PCDHA5: variants seen among roughly 807,000 people sequenced by gnomAD.
The protein encoded by PCDHA5 is protocadherin alpha-5.
In PCDHA5, 43 loss-of-function variants were observed where a neutral mutation model predicts 61.6. That is an observed-to-expected ratio of 0.70 (90% confidence interval 0.55 to 0.90). PCDHA5 has a LOEUF of 0.90. PCDHA5 is among the 40% of genes least tolerant of loss of function. PCDHA5 has a pLI of 0.00. For synonymous variants in PCDHA5, 627 were observed against 543.9 expected (o/e 1.15, Z -2.13); for missense variants, 1,298 against 1,222.7 (o/e 1.06, Z -0.92).
At position 140,924,716 on chromosome 5, in the gene PCDHA5, G is replaced by A. The variant is rs534222527; in HGVS notation, c.2353-54233G>A. On this transcript the variant is annotated intron_variant, in intron 1 of 3. Coordinates refer to ENST00000529859, the MANE Select transcript of PCDHA5 (RefSeq NM_018908.3). The stretch of plus-strand genomic sequence containing the variant: ...TCGAGACCAGCTTGTGCAACATGGC[G>A]AAACCTCACCTCTAATAAAAATACA... Among the ~76,000 whole-genome samples, 5 of 151,980 alleles carry A rather than the reference G, an allele frequency of 3.3e-5. No homozygotes were observed. The South Asian group carries it at 1.0e-3, about 32-fold the overall frequency.
intron 1 of PCDHA5, among the ~76,000 whole-genome samples, chr5:140,963,165 A>G (rs775997183): frequency 2.6e-5 from 4 of 152,110 alleles, no homozygotes; most frequent in Non-Finnish European, 5.9e-5. Flanking sequence ...GACACATGCC[A>G]TCTTACAGAT....
chr5:140,947,625 T>C (rs2094153389), intron 1 of PCDHA5, among the ~76,000 whole-genome samples: 1 of 151,648 alleles, frequency 6.6e-6, no homozygotes, highest in Non-Finnish European at 1.5e-5. Context: ...CAATATTGAG[T>C]CATCAGATCG....
chr5:140,940,988 T>G (rs2092713422), intron 1 of PCDHA5, among the ~76,000 whole-genome samples: 1 of 152,206 alleles, frequency 6.6e-6, no homozygotes, highest in African/African-American at 2.4e-5. Flanking sequence ...AGTTACAAGT[T>G]TATAGGATTA....
At chr5:140,944,028 A>T (rs1341498532) in intron 1 of PCDHA5, among the ~76,000 whole-genome samples, 1 of 152,222 alleles carries the variant, frequency 6.6e-6, no homozygotes, top group African/African-American at 2.4e-5. Context: ...TATCTTCAAA[A>T]TATGGAAAAC....
chr5:140,882,392 G>T (rs781850899), intron 1 of PCDHA5: 5 of 1,614,058 alleles, frequency 3.1e-6, no homozygotes, highest in Middle Eastern at 1.6e-4. Flanking sequence ...AGCAAAACAC[G>T]GCACCTTCGT....
intron 1 of PCDHA5, chr5:140,966,951 C>T (rs781885198): frequency 6.2e-7 from 1 of 1,603,742 alleles, no homozygotes; most frequent in Non-Finnish European, 8.5e-7. Context: ...GGCAACGTGG[C>T]TCGCGCGCTG....
chr5:140,882,997 C>T, intron 1 of PCDHA5: 1 of 1,614,062 alleles, frequency 6.2e-7, no homozygotes, highest in East Asian at 2.2e-5. Context: ...CGGAATTTTA[C>T]CAATCCGTTT....
Position 140,836,166 on chromosome 5 carries a change from C to T in PCDHA5, c.2352+12039C>T, listed in dbSNP as rs373780071. On this transcript the variant is annotated intron_variant, in intron 1 of 3. Coordinates refer to ENST00000529859, the MANE Select transcript of PCDHA5 (RefSeq NM_018908.3). ...CGCGGGCCATGTGGTGGCGAAGGTACGTGCAGTTGACGCTGACTCAGGCTA... is the reference window on the plus strand; with the variant it reads ...CGCGGGCCATGTGGTGGCGAAGGTATGTGCAGTTGACGCTGACTCAGGCTA... The T allele has an allele frequency of 4.3e-6, 7 of 1,613,708 alleles. No homozygotes were observed. In the African/African-American group the frequency reaches 5.3e-5, roughly 12 times the overall value.
In PCDHA5 at chr5:140,842,704, G is replaced by A. The variant is rs151170990; in HGVS notation, c.2352+18577G>A. 2,141 of 1,595,136 alleles carry A rather than the reference G, an allele frequency of 1.3e-3. 215 individuals are homozygous for A. The highest frequency in any genetic ancestry group is 5.2e-3 in the African/African-American group (389 of 74,336). On this transcript the variant is annotated intron_variant, in intron 1 of 3. Transcript: ENST00000529859. ...CGGCGTTCGCGCAGCCCGAGTACAC[G>A]GTGTTCGTGAAGGAGAACAACCCGC... is the stretch of plus-strand genomic sequence containing the variant.
intron 1 of PCDHA5, chr5:140,967,749 C>A (rs1554229896): frequency 1.2e-6 from 2 of 1,614,172 alleles, no homozygotes; most frequent in Non-Finnish European, 1.7e-6. Context: ...TATGAGGAAG[C>A]CTCCTCCTAC....
chr5:140,830,145 G>A (rs1406638033), intron 1 of PCDHA5: 3 of 1,613,062 alleles, frequency 1.9e-6, no homozygotes, highest in Non-Finnish European at 2.5e-6. Flanking sequence ...GCGTCGGTGG[G>A]CGCCGCGGGC....
At chr5:140,911,436 C>G (rs369054235) in intron 1 of PCDHA5, among the ~76,000 whole-genome samples, 14 of 152,124 alleles carry the variant, frequency 9.2e-5, no homozygotes, top group African/African-American at 2.4e-4. Flanking sequence ...TCCAATTTCC[C>G]GCAATTTCAG....
chr5:140,887,023 A>T (rs561705710), intron 1 of PCDHA5, among the ~76,000 whole-genome samples: 3 of 152,050 alleles, frequency 2.0e-5, no homozygotes, highest in South Asian at 2.1e-4. Flanking sequence ...TGCCTGAAAA[A>T]TTTCTTTAAT....
intron 1 of PCDHA5, chr5:140,836,268 G>A: frequency 6.2e-7 from 1 of 1,613,816 alleles, no homozygotes; most frequent in African/African-American, 1.3e-5. Flanking sequence ...GCTGTACACT[G>A]GTGAGATCAG....
At chr5:140,913,966 A>C (rs2076538227) in intron 1 of PCDHA5, among the ~76,000 whole-genome samples, 1 of 152,156 alleles carries the variant, frequency 6.6e-6, no homozygotes, top group Non-Finnish European at 1.5e-5. Context: ...TTTTTAAAAA[A>C]ATATTTTAGG....
Position 140,883,309 on chromosome 5 carries a change from C to T in PCDHA5, c.2352+59182C>T, listed in dbSNP as rs782264263. The T allele has an allele frequency of 4.3e-6, 7 of 1,613,930 alleles. No individual in the cohort carries two copies. In the Admixed American group the frequency reaches 1.2e-4, roughly 27 times the overall value. ...AAGTACTAGATGTAAATGATAACGCCCCAGAGGTTACCATCACTTCTTTGT... is the reference window on the plus strand; with the variant it reads ...AAGTACTAGATGTAAATGATAACGCTCCAGAGGTTACCATCACTTCTTTGT... On this transcript the variant is annotated intron_variant, in intron 1 of 3. Transcript: ENST00000529859.
intron 1 of PCDHA5, chr5:140,882,003 G>C: frequency 2.0e-6 from 1 of 492,180 alleles, no homozygotes; most frequent in Non-Finnish European, 3.4e-6. Flanking sequence ...AATGCAAGGG[G>C]CAAAAAAATA....
intron 1 of PCDHA5, among the ~76,000 whole-genome samples, chr5:140,975,946 A>T (rs989122714): frequency 6.6e-6 from 1 of 152,210 alleles, no homozygotes; most frequent in Non-Finnish European, 1.5e-5. Context: ...AATAGGACAT[A>T]TTAGAGTTCT....
intron 1 of PCDHA5, chr5:140,841,962 C>T (rs1342346203): frequency 1.2e-6 from 2 of 1,613,786 alleles, no homozygotes; most frequent in Non-Finnish European, 1.7e-6. Context: ...TTCCTGACAG[C>T]CACAGATGGG....
Sources: gnomAD v4.1 joint callset for allele counts (sites outside exome capture counted in the v4.1 genomes callset) on GRCh38, gnomAD v4.1.1 for gene constraint, MANE v1.5 for transcripts, NCBI Gene and HGNC (gene_info 2026-07-23, HGNC 2026-07-21) for gene names.